Variants in TEAD1 observed in about 807,000 individuals in gnomAD.
The protein encoded by TEAD1 is transcriptional enhancer factor TEF-1.
TEAD1 carries 9 observed loss-of-function variants against 54.9 expected under a neutral mutation model. The observed-to-expected ratio is 0.16, with a 90% CI of 0.10 to 0.29. The LOEUF is 0.29. TEAD1 is among the 10% of genes least tolerant of loss of function. TEAD1 has a pLI of 1.00. For missense variants in TEAD1, 387 were observed against 535.9 expected (o/e 0.72, Z 2.74); for synonymous variants, 200 against 187.8 (o/e 1.07, Z -0.53).
intron 2 of TEAD1, among the ~76,000 whole-genome samples, chr11:12,750,656 G>T (rs117301475): frequency 6.6e-6 from 1 of 152,110 alleles, no homozygotes; most frequent in East Asian, 1.9e-4. Flanking sequence ...TCCACCTTTC[G>T]TCATGGCCTA....
intron 3 of TEAD1, among the ~76,000 whole-genome samples, chr11:12,825,722 AG>A (rs1018032867): frequency 3.3e-5 from 5 of 150,732 alleles, no homozygotes; most frequent in Non-Finnish European, 7.3e-5. Flanking sequence ...GAAGAAAAAA[AG>A]ATTAGGGGTC....
At chr11:12,781,582 C>G (rs73423658) in intron 3 of TEAD1, among the ~76,000 whole-genome samples, 2,315 of 150,890 alleles carry the variant, frequency 0.015, 62 homozygotes, top group African/African-American at 0.054. Context: ...CATTAGCTAG[C>G]AGGGAAATGC....
intron 5 of TEAD1, among the ~76,000 whole-genome samples, chr11:12,871,973 T>G (rs1411805229): frequency 6.6e-6 from 1 of 152,148 alleles, no homozygotes; most frequent in Non-Finnish European, 1.5e-5. Context: ...GTGACTAATT[T>G]ATGAGCTACA....
chr11:12,929,160 T>C (rs2581564), intron 11 of TEAD1, among the ~76,000 whole-genome samples: 96,762 of 139,196 alleles, frequency 0.7, 31,425 homozygotes, highest in South Asian at 0.79. Flanking sequence ...TTCTTTGCTT[T>C]GCCGTGTGTG....
rs1266568959 is a variant in TEAD1, at chr11:12,753,807, C to T, written c.-54-10372C>T. ...CTTTTGTGTTCCTTTAAAGTATCCT[C>T]GACTACTTTATGGCCATGTAGGTAA... On this transcript the variant is annotated intron_variant, in intron 2 of 12. Coordinates refer to ENST00000527636, the MANE Select transcript of TEAD1 (RefSeq NM_021961.6). 3.3e-5 allele frequency among the ~76,000 whole-genome samples: 5 copies of T among 152,120 alleles called. 1 individual carries two copies. The South Asian group carries it at 6.2e-4, about 19-fold the overall frequency.
intron 3 of TEAD1, among the ~76,000 whole-genome samples, chr11:12,791,598 G>A (rs1945803724): frequency 6.6e-6 from 1 of 152,188 alleles, no homozygotes; most frequent in African/African-American, 2.4e-5. Context: ...GTGGGTGCGT[G>A]TGGGGATGGA....
intron 3 of TEAD1, among the ~76,000 whole-genome samples, chr11:12,810,264 C>A (rs979418493): frequency 2.0e-5 from 3 of 152,080 alleles, no homozygotes; most frequent in African/African-American, 7.2e-5. Flanking sequence ...AAGGCTTGAG[C>A]CACTGCGCCC....
intron 10 of TEAD1, chr11:12,922,834 C>G (rs369756207): frequency 7.2e-6 from 1 of 139,352 alleles, no homozygotes; most frequent in Non-Finnish European, 1.5e-5. Flanking sequence ...GAGGCTGAGG[C>G]GGGAGAATCC....
chr11:12,869,345 G>A (rs868719814), intron 5 of TEAD1, among the ~76,000 whole-genome samples: 4 of 152,130 alleles, frequency 2.6e-5, no homozygotes, highest in African/African-American at 7.2e-5. Flanking sequence ...GGGCTGCTCC[G>A]TGGCACTTAG....
intron 2 of TEAD1, among the ~76,000 whole-genome samples, chr11:12,735,659 T>C (rs1944516689): frequency 1.3e-5 from 2 of 151,768 alleles, no homozygotes; most frequent in African/African-American, 2.4e-5. Context: ...GCTTGACATA[T>C]GTTAACCATG....
intron 3 of TEAD1, among the ~76,000 whole-genome samples, chr11:12,780,955 C>G (rs180919438): frequency 1.3e-5 from 2 of 152,316 alleles, no homozygotes; most frequent in East Asian, 3.9e-4. Flanking sequence ...AAACTTACTA[C>G]AGAGCTACAG....
At chr11:12,813,946 G>T (rs1158156218) in intron 3 of TEAD1, among the ~76,000 whole-genome samples, 1 of 152,168 alleles carries the variant, frequency 6.6e-6, no homozygotes, top group African/African-American at 2.4e-5. Context: ...TGGTTGGGAG[G>T]TGCTGACCAC....
intron 2 of TEAD1, among the ~76,000 whole-genome samples, chr11:12,736,208 C>G (rs1333118052): frequency 1.3e-5 from 2 of 152,142 alleles, no homozygotes; most frequent in Non-Finnish European, 2.9e-5. Context: ...TTTTCTCTTC[C>G]TCTCATTTAC....
intron 2 of TEAD1, among the ~76,000 whole-genome samples, chr11:12,757,136 C>T (rs1459704948): frequency 2.0e-5 from 3 of 152,176 alleles, no homozygotes; most frequent in Non-Finnish European, 4.4e-5. Flanking sequence ...CTTCTCTCTC[C>T]TCCTGGGCTA....
intron 2 of TEAD1, among the ~76,000 whole-genome samples, chr11:12,736,375 A>G (rs1590099198): frequency 6.6e-6 from 1 of 152,222 alleles, no homozygotes; most frequent in East Asian, 1.9e-4. Context: ...GGTGTATCTT[A>G]AGGTAAAAAT....
At chr11:12,842,279 C>G (rs896701256) in intron 3 of TEAD1, among the ~76,000 whole-genome samples, 1 of 152,178 alleles carries the variant, frequency 6.6e-6, no homozygotes, top group African/African-American at 2.4e-5. Context: ...GACCAAACCA[C>G]CGTTACGAGA....
intron 5 of TEAD1, among the ~76,000 whole-genome samples, chr11:12,874,649 T>C (rs1947818621): frequency 6.6e-6 from 1 of 152,128 alleles, no homozygotes; most frequent in African/African-American, 2.4e-5. Flanking sequence ...GTGTTGGAAA[T>C]TGGTTAATGA....
intron 6 of TEAD1, among the ~76,000 whole-genome samples, chr11:12,880,239 CT>C (rs1306987548): frequency 6.6e-6 from 1 of 152,104 alleles, no homozygotes; most frequent in East Asian, 1.9e-4. Context: ...CAACTAGCCC[CT>C]AAAGGGACAA....
intron 3 of TEAD1, among the ~76,000 whole-genome samples, chr11:12,813,412 A>G (rs1293839301): frequency 6.6e-6 from 1 of 152,172 alleles, no homozygotes; most frequent in Non-Finnish European, 1.5e-5. Context: ...AGCACTGTGG[A>G]TCATCTTCTG....
Sources: gnomAD v4.1 joint callset for allele counts (sites outside exome capture counted in the v4.1 genomes callset) on GRCh38, gnomAD v4.1.1 for gene constraint, MANE v1.5 for transcripts, NCBI Gene and HGNC (gene_info 2026-07-23, HGNC 2026-07-21) for gene names.